PLCB1: variants seen among roughly 807,000 people sequenced by gnomAD.
PLCB1 encodes the protein 1-phosphatidylinositol 4,5-bisphosphate phosphodiesterase beta-1.
PLCB1 carries 46 observed loss-of-function variants against 161.8 expected under a neutral mutation model. The ratio of observed to expected loss-of-function variants is 0.28; its 90% CI spans 0.22 to 0.36. PLCB1 has a LOEUF of 0.36. Among genes scored for constraint, PLCB1 ranks in the 10% least tolerant of loss-of-function variants. The pLI is 1.00. For synonymous variants in PLCB1, 517 were observed against 503.7 expected (o/e 1.03, Z -0.35); for missense variants, 1,016 against 1,472.5 (o/e 0.69, Z 5.07).
At chr20:8,760,482 C>G (rs750688322) in intron 25 of PLCB1, 22 bp downstream of exon 25, 2 of 1,582,464 alleles carry the variant, frequency 1.3e-6, no homozygotes, top group Admixed American at 3.3e-5. Flanking sequence ...CCTTTCCCCC[C>G]ATGGAATTAA....
At chr20:8,165,128 T>G (rs1328576964) in intron 2 of PLCB1, among the ~76,000 whole-genome samples, 1 of 152,226 alleles carries the variant, frequency 6.6e-6, no homozygotes, top group African/African-American at 2.4e-5. Context: ...GCTTTAACAT[T>G]TCAAGGATAA....
Position 8,275,391 on chromosome 20 carries a change from G to A in PLCB1, c.178-95991G>A, listed in dbSNP as rs549921814. Reference sequence around the variant, plus strand: ...AAATTATTGTTTCCTATTGTCCTCAGTGAGAAGCATCTTTGCTATTACTCA... The same window carrying A: ...AAATTATTGTTTCCTATTGTCCTCAATGAGAAGCATCTTTGCTATTACTCA... On this transcript the variant is annotated intron_variant, in intron 2 of 31. Transcript: ENST00000338037. Among the ~76,000 whole-genome samples, 37 of 152,148 alleles carry A rather than the reference G, an allele frequency of 2.4e-4. 1 individual carries two copies. Among genetic ancestry groups the A allele is most frequent in the Admixed American group, 2.3e-3 (35 of 15,266 alleles).
At chr20:8,142,022 G>T (rs2051409619) in intron 1 of PLCB1, 1 of 152,234 alleles carries the variant, frequency 6.6e-6, no homozygotes, top group Non-Finnish European at 1.5e-5. Flanking sequence ...TATATTACTT[G>T]TGCAGGGAGG....
At chr20:8,480,175 C>T (rs922019004) in intron 3 of PLCB1, among the ~76,000 whole-genome samples, 2 of 152,236 alleles carry the variant, frequency 1.3e-5, no homozygotes, top group Admixed American at 1.3e-4. Context: ...AGGCAGTTAC[C>T]AGAAGATTCT....
chr20:8,217,706 T>G (rs1161711615), intron 2 of PLCB1, among the ~76,000 whole-genome samples: 6 of 152,146 alleles, frequency 3.9e-5, no homozygotes, highest in Admixed American at 3.9e-4. Context: ...CATTGGAAAT[T>G]TAATTCCCAG....
At chr20:8,544,911 G>A (rs917290610) in intron 3 of PLCB1, among the ~76,000 whole-genome samples, 3 of 152,164 alleles carry the variant, frequency 2.0e-5, no homozygotes, top group Admixed American at 2.0e-4. Context: ...GAAAGTCACA[G>A]ATTTGATATC....
chr20:8,816,449 G>A (rs906893474), intron 31 of PLCB1, among the ~76,000 whole-genome samples: 1 of 152,152 alleles, frequency 6.6e-6, no homozygotes, highest in Non-Finnish European at 1.5e-5. Context: ...TACAGAAAAT[G>A]AAAGTTTGAA....
intron 2 of PLCB1, among the ~76,000 whole-genome samples, chr20:8,357,311 A>G (rs1443293400): frequency 6.6e-6 from 1 of 152,182 alleles, no homozygotes; most frequent in Non-Finnish European, 1.5e-5. Flanking sequence ...AGCATATAGG[A>G]CCCAACTTCA....
intron 31 of PLCB1, among the ~76,000 whole-genome samples, chr20:8,798,592 ACAC>A (rs1568603974): frequency 4.4e-5 from 5 of 113,474 alleles, no homozygotes; most frequent in Admixed American, 9.1e-5. Context: ...ACACACACAC[ACAC>A]CCCTGGCCCA....
rs1215683384 is a variant in PLCB1 at position 8,831,902 on chromosome 20, CTCTTTCTTTCTCTTTCTTTCTTTCTT to C, written c.3423+41653_3423+41678del. On this transcript the variant is annotated intron_variant, in intron 31 of 31. Coordinates refer to ENST00000338037, the MANE Select transcript of PLCB1 (RefSeq NM_015192.4). ...TCTTTCTTTCTCTTTCTTTCTCCCT[CTCTTTCTTTCTCTTTCTTTCTTTCTT>C]TCTTTCTTTCTTTCTTTCTTTCTTT... Among the ~76,000 whole-genome samples the C allele has an allele frequency of 6.7e-3, 790 of 118,684 alleles. 50 individuals are homozygous for C. Among genetic ancestry groups the C allele is most frequent in the Admixed American group, 0.015 (164 of 10,952 alleles). The allele number at this position is 118,684 out of a possible 152,430, so 77.9% of individuals were successfully genotyped here.
intron 3 of PLCB1, among the ~76,000 whole-genome samples, chr20:8,586,610 G>A (rs1160599186): frequency 2.0e-5 from 3 of 152,124 alleles, no homozygotes; most frequent in Non-Finnish European, 2.9e-5. Flanking sequence ...ACAGTGACAA[G>A]TAGCAACCCG....
chr20:8,580,122 T>C (rs978829978), intron 3 of PLCB1, among the ~76,000 whole-genome samples: 4 of 152,168 alleles, frequency 2.6e-5, no homozygotes, highest in African/African-American at 9.7e-5. Context: ...ACAGGTGTTG[T>C]CCTTGTTCAC....
chr20:8,594,485 C>T (rs1286764926), intron 3 of PLCB1, among the ~76,000 whole-genome samples: 2 of 152,130 alleles, frequency 1.3e-5, no homozygotes, highest in Non-Finnish European at 2.9e-5. Context: ...TAGGGGCGGT[C>T]CTGAGATTCT....
intron 1 of PLCB1, among the ~76,000 whole-genome samples, chr20:8,142,701 A>G (rs990303244): frequency 2.0e-5 from 3 of 152,250 alleles, no homozygotes; most frequent in African/African-American, 7.2e-5. Context: ...AAAACATCCT[A>G]TCACGATAAT....
intron 26 of PLCB1, among the ~76,000 whole-genome samples, chr20:8,772,863 G>T (rs1399056380): frequency 1.3e-5 from 2 of 152,102 alleles, no homozygotes; most frequent in East Asian, 3.9e-4. Flanking sequence ...CTGGAAGGCG[G>T]AAGTTGTGGT....
intron 3 of PLCB1, among the ~76,000 whole-genome samples, chr20:8,606,330 A>G (rs974495000): frequency 2.0e-5 from 3 of 152,160 alleles, no homozygotes; most frequent in Non-Finnish European, 4.4e-5. Context: ...TTTGCAAAAT[A>G]AGATTATCCA....
At chr20:8,335,323 T>G (rs921581947) in intron 2 of PLCB1, among the ~76,000 whole-genome samples, 6 of 152,200 alleles carry the variant, frequency 3.9e-5, no homozygotes, top group African/African-American at 1.4e-4. Flanking sequence ...TCACAACCAT[T>G]CACGACATGC....
chr20:8,668,037 G>C (rs1989856195), intron 9 of PLCB1, among the ~76,000 whole-genome samples: 1 of 152,082 alleles, frequency 6.6e-6, no homozygotes, highest in Admixed American at 6.5e-5. Flanking sequence ...TGTTGGGAGG[G>C]AGAGAGGCCA....
At chr20:8,809,567 A>T (rs1298623217) in intron 31 of PLCB1, among the ~76,000 whole-genome samples, 3 of 152,164 alleles carry the variant, frequency 2.0e-5, no homozygotes, top group African/African-American at 7.2e-5. Flanking sequence ...GGAGAGCCGT[A>T]TATTAATCAT....
Sources: gnomAD v4.1 joint callset for allele counts (sites outside exome capture counted in the v4.1 genomes callset) on GRCh38, gnomAD v4.1.1 for gene constraint, MANE v1.5 for transcripts, NCBI Gene and HGNC (gene_info 2026-07-23, HGNC 2026-07-21) for gene names.